Variants in SHROOM4 observed in about 807,000 individuals in gnomAD.
SHROOM4 encodes protein Shroom4.
A neutral mutation model predicts 80.3 loss-of-function variants in SHROOM4; 17 were observed. The ratio of observed to expected loss-of-function variants is 0.21; its 90% CI spans 0.14 to 0.32. The LOEUF is 0.32. SHROOM4 is among the 10% of genes least tolerant of loss of function. The pLI is 1.00. For missense variants in SHROOM4, 993 were observed against 1,140.3 expected (o/e 0.87, Z 1.86); for synonymous variants, 400 against 437.5 (o/e 0.91, Z 1.07).
downstream of SHROOM4, among the ~76,000 whole-genome samples, chrX:50,583,631 T>C (rs139578585): frequency 0.024 from 2,711 of 111,786 alleles, 73 homozygotes; most frequent in African/African-American, 0.082. Context: ...TTCTAGGAAC[T>C]CTGAGCAGCA....
At chrX:50,795,064 T>TG (rs1935943361) in intron 1 of SHROOM4, among the ~76,000 whole-genome samples, 3 of 62,823 alleles carry the variant, frequency 4.8e-5, no homozygotes, top group African/African-American at 2.2e-4. Flanking sequence ...ATATATATGA[T>TG]ATATATATAT....
rs781824441 is a variant in SHROOM4 at position 50,633,689 on chromosome X, T to C, written c.2384A>G (p.His795Arg). The C allele has an allele frequency of 4.1e-6, 5 of 1,212,112 alleles. No homozygotes were observed. The highest frequency in any genetic ancestry group is 5.6e-6 in the Non-Finnish European group (5 of 895,590). Residue 795 changes from histidine (H) to arginine (R), a missense_variant, in exon 4 of 9, where the codon CAT becomes CGT. Coordinates refer to ENST00000376020, the MANE Select transcript of SHROOM4 (RefSeq NM_020717.5). ...TCTCTGGGTAAAAGTCTTGTTGCTA[T>C]GAGTGGTTAAACCTGGCAAATGAGA... Reference protein sequence around the residue: ...STSHLPGLTTHSNKTFTQRPK... With the variant: ...STSHLPGLTTRSNKTFTQRPK...
chrX:50,761,243 G>A (rs1206255933), intron 1 of SHROOM4, among the ~76,000 whole-genome samples: 1 of 110,699 alleles, frequency 9.0e-6, no homozygotes, highest in African/African-American at 3.3e-5. Context: ...GTGTTCATGA[G>A]TTCCCATCAT....
intron 1 of SHROOM4, among the ~76,000 whole-genome samples, chrX:50,708,594 T>C (rs977335425): frequency 1.8e-5 from 2 of 112,132 alleles, no homozygotes; most frequent in Non-Finnish European, 1.9e-5. Flanking sequence ...TTGTTCACAA[T>C]TGCGTGCTCA....
intron 7 of SHROOM4, among the ~76,000 whole-genome samples, 173 bp from the exon 8 acceptor site, chrX:50,598,708 G>C (rs782641860): frequency 1.6e-4 from 18 of 112,167 alleles, no homozygotes; most frequent in African/African-American, 5.8e-4. Context: ...TTTTGGGCAA[G>C]CACCTTCTAT....
intron 1 of SHROOM4, among the ~76,000 whole-genome samples, chrX:50,790,904 A>G (rs183228574): frequency 1.8e-5 from 2 of 111,622 alleles, no homozygotes; most frequent in East Asian, 5.6e-4. Context: ...CACTCTTGCC[A>G]CTTCTGTTCA....
intron 1 of SHROOM4, among the ~76,000 whole-genome samples, chrX:50,769,223 G>A (rs1935347636): frequency 9.1e-6 from 1 of 109,298 alleles, no homozygotes; most frequent in Admixed American, 9.8e-5. Flanking sequence ...GAAGAAAGGG[G>A]AAGGAGGGAG....
At chrX:50,803,784 A>G (rs1250942841) in intron 1 of SHROOM4, among the ~76,000 whole-genome samples, 1 of 112,249 alleles carries the variant, frequency 8.9e-6, no homozygotes, top group Non-Finnish European at 1.9e-5. Context: ...TAACTCTTGT[A>G]TTCTCTAGTT....
chrX:50,726,567 C>T (rs1391301902), intron 1 of SHROOM4, among the ~76,000 whole-genome samples: 21 of 112,692 alleles, frequency 1.9e-4, no homozygotes, highest in African/African-American at 6.4e-4. Context: ...TGCCCTGCAT[C>T]CCAGCCACTC....
At chrX:50,764,395 C>T (rs1343868879) in intron 1 of SHROOM4, among the ~76,000 whole-genome samples, 2 of 93,281 alleles carry the variant, frequency 2.1e-5, no homozygotes, top group Non-Finnish European at 3.8e-5. Flanking sequence ...AAAGACACTG[C>T]GAGTGGGGGG....
rs782238630 is a variant in SHROOM4 at position 50,706,041 on chromosome X, A to T, written c.118-10104T>A. Among the ~76,000 whole-genome samples the T allele has an allele frequency of 2.9e-5, 3 of 103,768 alleles. No individual in the cohort carries two copies. The South Asian group carries it at 1.3e-3, about 45-fold the overall frequency. 90.1% of individuals were successfully genotyped at this position (103,768 alleles called of 115,157 possible). A position where few individuals can be genotyped will look rare whatever the true frequency, so the allele number is the denominator to read the frequency against. On this transcript the variant is annotated intron_variant, in intron 1 of 8. Coordinates refer to ENST00000376020, the MANE Select transcript of SHROOM4 (RefSeq NM_020717.5). ...ACACACACACACACACACACACGTC[A>T]TACCAAACTTTCTGTTCTTCAGAGA...
intron 2 of SHROOM4, among the ~76,000 whole-genome samples, chrX:50,654,008 G>A (rs1473653928): frequency 1.8e-5 from 2 of 112,036 alleles, no homozygotes; most frequent in African/African-American, 6.5e-5. Flanking sequence ...AGATTTTCAA[G>A]TGACTTCTAA....
At chrX:50,624,789 T>C (rs1930729200) in intron 5 of SHROOM4, among the ~76,000 whole-genome samples, 1 of 109,858 alleles carries the variant, frequency 9.1e-6, no homozygotes, top group South Asian at 4.0e-4. Context: ...TAAGATATAT[T>C]TCCTTTTTTC....
At chrX:50,771,799 A>G (rs1455317630) in intron 1 of SHROOM4, among the ~76,000 whole-genome samples, 2 of 112,338 alleles carry the variant, frequency 1.8e-5, no homozygotes, top group Non-Finnish European at 3.8e-5. Context: ...CCACTGTTGC[A>G]CTGTTTATAT....
chrX:50,746,392 G>A (rs1180401216), intron 1 of SHROOM4, among the ~76,000 whole-genome samples: 5 of 111,599 alleles, frequency 4.5e-5, no homozygotes, highest in Non-Finnish European at 9.4e-5. Flanking sequence ...CTTTTCTTAT[G>A]AGCAGAACAT....
chrX:50,663,902 C>T (rs1557260155), intron 2 of SHROOM4, among the ~76,000 whole-genome samples: 1 of 112,002 alleles, frequency 8.9e-6, no homozygotes, highest in Admixed American at 9.5e-5. Context: ...CTTCTATGAT[C>T]ACCACCACAT....
chrX:50,719,193 C>T (rs781903775), intron 1 of SHROOM4, among the ~76,000 whole-genome samples: 9 of 111,860 alleles, frequency 8.0e-5, no homozygotes, highest in African/African-American at 2.9e-4. Flanking sequence ...AATGTAGAGA[C>T]GGGAAAAGTC....
rs782288062 is a variant in SHROOM4 at position 50,783,822 on chromosome X, C to T, written c.117+30080G>A. On this transcript the variant is annotated intron_variant, in intron 1 of 8. Transcript: ENST00000376020. The stretch of plus-strand genomic sequence containing the variant: ...AACTCCTGACCTCAGGTGATCCACC[C>T]GCCTCAGCCACCCAAAGTGCTGGGA... Among the ~76,000 whole-genome samples, 297 of 111,705 alleles carry T rather than the reference C, an allele frequency of 2.7e-3. 1 individual carries two copies. The highest frequency in any genetic ancestry group is 4.0e-3 in the Non-Finnish European group (212 of 53,129).
At chrX:50,652,814 T>C (rs1259865403) in intron 2 of SHROOM4, among the ~76,000 whole-genome samples, 1 of 112,392 alleles carries the variant, frequency 8.9e-6, no homozygotes, top group Non-Finnish European at 1.9e-5. Context: ...TACCATTTAT[T>C]AAATAGGGAA....
Sources: gnomAD v4.1 joint callset for allele counts (sites outside exome capture counted in the v4.1 genomes callset) on GRCh38, gnomAD v4.1.1 for gene constraint, MANE v1.5 for transcripts, NCBI Gene and HGNC (gene_info 2026-07-23, HGNC 2026-07-21) for gene names.